Variants in MPP7 observed in about 807,000 individuals in gnomAD.
MPP7 encodes the protein MAGUK p55 subfamily member 7.
MPP7 carries 60 observed loss-of-function variants against 76.5 expected under a neutral mutation model. That is an observed-to-expected ratio of 0.78 (90% confidence interval 0.64 to 0.97). The LOEUF is 0.97. MPP7 is among the 50% of genes least tolerant of loss of function. MPP7 has a pLI of 0.00. For synonymous variants in MPP7, 237 were observed against 244.5 expected (o/e 0.97, Z 0.29); for missense variants, 641 against 694.0 (o/e 0.92, Z 0.86).
chr10:28,164,260 G>C (rs532020183), intron 3 of MPP7, among the ~76,000 whole-genome samples: 2 of 152,316 alleles, frequency 1.3e-5, no homozygotes, highest in South Asian at 2.1e-4. Flanking sequence ...GACCTCCTGA[G>C]AGGGGAGGGA....
At chr10:28,278,545 T>C (rs886768654) in intron 1 of MPP7, among the ~76,000 whole-genome samples, 3 of 151,652 alleles carry the variant, frequency 2.0e-5, no homozygotes, top group African/African-American at 7.3e-5. Context: ...TCATCTGGTC[T>C]CTATATCATC....
Position 28,120,327 on chromosome 10 carries a change from C to T in MPP7, c.754G>A (p.Ala252Thr). 1 of 1,614,022 alleles carries T rather than the reference C, an allele frequency of 6.2e-7. No individual in the cohort carries two copies. Residue 252 changes from alanine (A) to threonine (T), a missense_variant, in exon 10 of 17, where the codon GCT becomes ACT. By Grantham distance (58) the Ala-to-Thr change is moderately conservative (BLOSUM62 0). Coordinates refer to ENST00000683449, the MANE Select transcript of MPP7 (RefSeq NM_001318170.2). ...NEDKAIPCKE[A>T]GLSFKKGDIL... is the part of the protein sequence containing the mutation. ...TCTCCCTTTTTGAAAGAAAGCCCAG[C>T]TTCCTTACATGGAATTGCCTTATCC... is the stretch of plus-strand genomic sequence containing the variant.
Position 28,288,797 on chromosome 10 carries a change from G to A in MPP7, c.-132+14064C>T, listed in dbSNP as rs144459697. Among the ~76,000 whole-genome samples the A allele has an allele frequency of 6.2e-4, 95 of 152,166 alleles. 1 individual carries two copies. Among genetic ancestry groups the A allele is most frequent in the African/African-American group, 2.1e-3 (88 of 41,510 alleles). ...TCTTTGAGTTCCTGTTTGAACAAAC[G>A]CTAAAAGTTGGAAGCTCAGCAGAGC... On this transcript the variant is annotated intron_variant, in intron 1 of 16. Coordinates refer to ENST00000683449, the MANE Select transcript of MPP7 (RefSeq NM_001318170.2).
intron 3 of MPP7, among the ~76,000 whole-genome samples, chr10:28,181,556 G>A (rs950294336): frequency 1.9e-5 from 2 of 103,666 alleles, no homozygotes; most frequent in African/African-American, 6.0e-5. Flanking sequence ...CGTGCCCCAC[G>A]ATGGGCACTC....
At chr10:28,123,825 A>G (rs573430090) in intron 8 of MPP7, among the ~76,000 whole-genome samples, 22 of 152,200 alleles carry the variant, frequency 1.4e-4, no homozygotes, top group African/African-American at 5.1e-4. Context: ...CTCCAGATGG[A>G]TAGTTACCTC....
At chr10:28,257,641 T>C (rs960201670) in intron 1 of MPP7, among the ~76,000 whole-genome samples, 1 of 149,720 alleles carries the variant, frequency 6.7e-6, no homozygotes, top group African/African-American at 2.5e-5. Flanking sequence ...ATATACCTAA[T>C]GCTAGATGAC....
chr10:28,317,405 C>A lies in MPP7; in HGVS notation c.-132+12524G>T, dbSNP rs1158818537. Among the ~76,000 whole-genome samples the A allele has an allele frequency of 2.0e-5, 3 of 152,034 alleles. No individual in the cohort carries two copies. The South Asian group carries it at 6.2e-4, about 32-fold the overall frequency. ...AAATAGCCGGGTGTGGTGGTGCATGCCTGTAGCCTCAACTACTTGCGAGGC... is the reference window on the plus strand; with the variant it reads ...AAATAGCCGGGTGTGGTGGTGCATGACTGTAGCCTCAACTACTTGCGAGGC... On this transcript the variant is annotated intron_variant, in intron 2 of 11. Coordinates refer to the MPP7 transcript ENST00000441595.
At chr10:28,056,111 T>C (rs754982156) in intron 16 of MPP7, among the ~76,000 whole-genome samples, 4 of 152,214 alleles carry the variant, frequency 2.6e-5, no homozygotes, top group Non-Finnish European at 5.9e-5. Context: ...GGTCTCACTC[T>C]GTCGCCCAGG....
At chr10:28,240,676 A>G (rs1261729826) in intron 1 of MPP7, among the ~76,000 whole-genome samples, 4 of 152,146 alleles carry the variant, frequency 2.6e-5, no homozygotes, top group Non-Finnish European at 5.9e-5. Flanking sequence ...AACAATTTTG[A>G]AAGCAACTTT....
intron 3 of MPP7, among the ~76,000 whole-genome samples, chr10:28,162,860 T>A (rs7074527): frequency 1.1e-3 from 170 of 151,814 alleles, no homozygotes; most frequent in Non-Finnish European, 1.6e-3. Context: ...TTTCTCTCAC[T>A]CTCTCTCTCT....
intron 11 of MPP7, among the ~76,000 whole-genome samples, chr10:28,111,745 T>G (rs1390588290): frequency 6.6e-6 from 1 of 152,156 alleles, no homozygotes; most frequent in African/African-American, 2.4e-5. Flanking sequence ...TAGAAAGTAA[T>G]CCTAAACAGT....
intron 5 of MPP7, among the ~76,000 whole-genome samples, chr10:28,139,715 G>A (rs1048066056): frequency 2.0e-4 from 30 of 152,082 alleles, no homozygotes; most frequent in African/African-American, 6.3e-4. Context: ...TAAAGACTTC[G>A]TATTGTTGGC....
chr10:28,120,206 T>C lies in MPP7; in HGVS notation c.875A>G (p.His292Arg). 1 of 1,612,390 alleles carries C rather than the reference T, an allele frequency of 6.2e-7. No individual in the cohort carries two copies. Among genetic ancestry groups the C allele is most frequent in the East Asian group, 2.2e-5 (1 of 44,844 alleles). The change falls in exon 10 of 17, where the codon CAT becomes CGT. Residue 292 changes from histidine (H) to arginine (R), a missense_variant. Coordinates refer to ENST00000683449, the MANE Select transcript of MPP7 (RefSeq NM_001318170.2). ...NPRAGLIPSK[H>R]FQERRLALRR... ...ACCAGCAGCTCACCTTTCCTGGAAA[T>C]GCTTTGAGGGGATCAAGCCTGCCCT...
chr10:28,267,051 G>GTT (rs1840169872), intron 1 of MPP7, among the ~76,000 whole-genome samples: 1 of 152,120 alleles, frequency 6.6e-6, no homozygotes, highest in Non-Finnish European at 1.5e-5. Flanking sequence ...TGCCATATGC[G>GTT]TTAGTTCGGG....
At chr10:28,190,240 G>C (rs143730893) in intron 3 of MPP7, among the ~76,000 whole-genome samples, 1 of 151,884 alleles carries the variant, frequency 6.6e-6, no homozygotes, top group Non-Finnish European at 1.5e-5. Context: ...TTCAACACCC[G>C]CTATCAGTCA....
intron 1 of MPP7, among the ~76,000 whole-genome samples, chr10:28,333,937 A>G (rs1258708798): frequency 6.6e-6 from 1 of 152,190 alleles, no homozygotes; most frequent in Admixed American, 6.5e-5. Context: ...TCGTGCCTGT[A>G]ATCCCAGCAC....
intron 1 of MPP7, among the ~76,000 whole-genome samples, chr10:28,296,232 C>T (rs558225039): frequency 6.6e-6 from 1 of 152,220 alleles, no homozygotes; most frequent in African/African-American, 2.4e-5. Context: ...TCCATGCCCA[C>T]GCTCTCCTAA....
rs189374248 is a variant in MPP7, at chr10:28,227,934, C to A, written c.37+10634G>T. On this transcript the variant is annotated intron_variant, in intron 2 of 16. Transcript: ENST00000683449. Reference sequence around the variant, plus strand: ...ATGGTTGAACTAATTTACACTCTCACCAACAGGATAAAAGCATTCTTATTT... The same window carrying A: ...ATGGTTGAACTAATTTACACTCTCAACAACAGGATAAAAGCATTCTTATTT... Among the ~76,000 whole-genome samples, 122 of 152,308 alleles carry A rather than the reference C, an allele frequency of 8.0e-4. 3 individuals are homozygous for A. The East Asian group carries it at 0.018, about 22-fold the overall frequency.
Position 28,277,219 on chromosome 10 carries a change from C to T in MPP7, c.-132+25642G>A, listed in dbSNP as rs1221909534. On this transcript the variant is annotated intron_variant, in intron 1 of 16. Transcript: ENST00000683449. The stretch of plus-strand genomic sequence containing the variant: ...ATCAATCAATCAATCCTACTACAAC[C>T]CTATCATCTAAATACCATTACTACT... 2.6e-5 allele frequency among the ~76,000 whole-genome samples: 4 copies of T among 151,898 alleles called. No homozygotes were observed. The East Asian group carries it at 7.7e-4, about 29-fold the overall frequency.
Sources: allele counts gnomAD v4.1 joint callset (sites outside exome capture counted in the v4.1 genomes callset), GRCh38; gene constraint gnomAD v4.1.1; transcripts MANE v1.5; gene names NCBI Gene and HGNC (gene_info 2026-07-23, HGNC 2026-07-21).